COL17A1: variants seen among roughly 807,000 people sequenced by gnomAD.
The protein encoded by COL17A1 is collagen alpha-1(XVII) chain.
A neutral mutation model predicts 218.4 loss-of-function variants in COL17A1; 181 were observed. The ratio of observed to expected loss-of-function variants is 0.83; its 90% confidence interval spans 0.73 to 0.94. The LOEUF is 0.94. COL17A1 is among the 40% of genes least tolerant of loss of function. The pLI, the probability that COL17A1 is intolerant of heterozygous loss-of-function variation, is 0.00. For missense variants in COL17A1, 1,924 were observed against 1,945.9 expected, an observed-to-expected ratio of 0.99 and a Z score of 0.21; for synonymous variants, 721 against 731.0, an observed-to-expected ratio of 0.99 and a Z score of 0.22.
Position 104,032,046 on chromosome 10 carries a change from G to C in COL17A1, c.*189C>G. The C allele has an allele frequency of 1.6e-6, 1 of 627,460 alleles. No individual in the cohort carries two copies. The highest frequency in any genetic ancestry group is 2.9e-6 in the Non-Finnish European group (1 of 349,358). The allele number at this position is 627,460 out of a possible 1,614,324, so 38.9% of individuals were successfully genotyped here. On this transcript the variant is annotated 3_prime_UTR_variant, in exon 56 of 56. Transcript: ENST00000648076. Reference sequence around the variant, plus strand: ...GAGTCCACCCCATGAAGCTGTTTCAGATTGTGTATCTTTGACTGAATTCTA... The same window carrying C: ...GAGTCCACCCCATGAAGCTGTTTCACATTGTGTATCTTTGACTGAATTCTA...
chr10:104,041,581 G>T (rs1457757598), intron 36 of COL17A1, 43 bp from the exon 37 acceptor site: 1 of 1,557,394 alleles, frequency 6.4e-7, no homozygotes, highest in Non-Finnish European at 8.8e-7. Context: ...GCTGTCACGA[G>T]GCTGCTCTCT....
At chr10:104,060,415 T>C in intron 13 of COL17A1, 135 bp from the exon 14 acceptor site, 1 of 1,315,856 alleles carries the variant, frequency 7.6e-7, no homozygotes, top group Admixed American at 2.0e-5. Context: ...GAGGGTCTCT[T>C]GTTCTTGCTG....
At chr10:104,062,429 G>T (rs1264190392) in intron 11 of COL17A1, 100 bp from the exon 12 acceptor site, 1 of 1,528,200 alleles carries the variant, frequency 6.5e-7, no homozygotes, top group East Asian at 2.3e-5. Flanking sequence ...ATGATCAATG[G>T]TTTTGCCAAC....
chr10:104,046,608 G>T, intron 32 of COL17A1, 139 bp downstream of exon 32: 1 of 795,686 alleles, frequency 1.3e-6, no homozygotes, highest in Non-Finnish European at 2.2e-6. Flanking sequence ...TGCTTCTCAC[G>T]ACTCATAGTG....
At chr10:104,040,975 G>A in intron 39 of COL17A1, 90 bp downstream of exon 39, 3 of 1,370,166 alleles carry the variant, frequency 2.2e-6, no homozygotes, top group Non-Finnish European at 3.1e-6. Flanking sequence ...AGCCTGGTGA[G>A]TAGGTTGTGA....
chr10:104,043,192 C>T (rs1035143238), intron 35 of COL17A1, among the ~76,000 whole-genome samples: 1 of 152,180 alleles, frequency 6.6e-6, no homozygotes, highest in Admixed American at 6.5e-5. Context: ...GTAGACTGAT[C>T]TGGGCCAAAT....
chr10:104,051,412 G>C, intron 25 of COL17A1, 69 bp downstream of exon 25: 1 of 1,570,454 alleles, frequency 6.4e-7, no homozygotes, highest in South Asian at 1.1e-5. Context: ...AAAAATATTT[G>C]GTTTTCCTTT....
At chr10:104,040,683 G>A (rs920666331) in intron 39 of COL17A1, among the ~76,000 whole-genome samples, 2 of 152,112 alleles carry the variant, frequency 1.3e-5, no homozygotes, top group African/African-American at 4.8e-5. Context: ...ACTAGGAACA[G>A]GTTCTGGCCT....
At chr10:104,033,472 A>C in intron 52 of COL17A1, 97 bp from the exon 53 acceptor site, 2 of 1,429,866 alleles carry the variant, frequency 1.4e-6, no homozygotes, top group Non-Finnish European at 1.9e-6. Context: ...CTCCCAAAGC[A>C]GTTGAACTAG....
At position 104,034,144 on chromosome 10, in the gene COL17A1, G is replaced by T; in HGVS notation, c.3957C>A (p.Gly1319=). Residue 1319 remains glycine (G), a synonymous_variant, in exon 52 of 56, where the codon GGC becomes GGA. Transcript: ENST00000648076. ...SSMSTGGGGA[G]SLGAGGAFGE... ...CAAAGGCACCGCCTGCACCCAGGGA[G>T]CCTGCACCACCTCCTCCTGTGCTCA... 1 of 1,613,888 alleles carries T rather than the reference G, an allele frequency of 6.2e-7. No individual in the cohort carries two copies. The highest frequency in any genetic ancestry group is 8.5e-7 in the Non-Finnish European group (1 of 1,180,000).
chr10:104,054,942 T>TG (rs778736211), intron 20 of COL17A1, 39 bp downstream of exon 20: 25 of 1,613,860 alleles, frequency 1.5e-5, no homozygotes, highest in Non-Finnish European at 1.9e-5. Flanking sequence ...AATTAACACT[T>TG]GCTAATATTT....
intron 24 of COL17A1, among the ~76,000 whole-genome samples, 176 bp from the exon 25 acceptor site, chr10:104,051,692 T>C (rs1039125864): frequency 6.6e-6 from 1 of 152,200 alleles, no homozygotes; most frequent in Non-Finnish European, 1.5e-5. Context: ...GGGGTGCAGC[T>C]GGGTGGGATC....
intron 1 of COL17A1, among the ~76,000 whole-genome samples, chr10:104,085,057 G>C (rs764266835): frequency 3.3e-5 from 5 of 152,134 alleles, no homozygotes; most frequent in Non-Finnish European, 7.4e-5. Flanking sequence ...GGAAACCCAA[G>C]TTGACTCGTA....
At chr10:104,073,173 T>C in intron 7 of COL17A1, 37 bp downstream of exon 7, 1 of 1,597,370 alleles carries the variant, frequency 6.3e-7, no homozygotes, top group Non-Finnish European at 8.6e-7. Flanking sequence ...AAAATACTTG[T>C]TGAATGAATT....
At chr10:104,036,086 GGGAGTGTGTGTGTA>G in intron 48 of COL17A1, among the ~76,000 whole-genome samples, 1 of 119,132 alleles carries the variant, frequency 8.4e-6, no homozygotes, top group African/African-American at 3.2e-5. Context: ...GAGTGTGTAT[GGGAGTGTGTGTGTA>G]TGGGAGTGTG....
At chr10:104,061,531 G>A in intron 12 of COL17A1, 58 bp from the exon 13 acceptor site, 1 of 1,481,188 alleles carries the variant, frequency 6.8e-7, no homozygotes, top group African/African-American at 1.4e-5. Context: ...CTCAGGAGAA[G>A]CCTGATCAGC....
intron 3 of COL17A1, among the ~76,000 whole-genome samples, chr10:104,077,981 A>G (rs770558243): frequency 6.6e-5 from 10 of 152,196 alleles, no homozygotes; most frequent in Non-Finnish European, 1.3e-4. Flanking sequence ...TCCACCTGGC[A>G]GCCCATCACT....
chr10:104,057,112 C>A lies in COL17A1; in HGVS notation c.1328G>T (p.Gly443Val), dbSNP rs1554849453. The A allele has an allele frequency of 1.1e-5, 17 of 1,602,668 alleles. No individual in the cohort carries two copies. In the Admixed American group the frequency reaches 2.9e-4, roughly 27 times the overall value. ...GGSGGGGGVG[G>V]AGGGPWGPAP... ...TGGTCCCCAAGGGCCGCCGCCAGCG[C>A]CACCAACACCGCCACCTCCTCCACT... Residue 443 changes from glycine to valine, a missense_variant, in exon 17 of 56, where the codon GGC (glycine) becomes GTC (valine). By Grantham distance (109) the Gly-to-Val change is moderately radical (BLOSUM62 -3). Coordinates refer to ENST00000648076, the MANE Select transcript of COL17A1 (RefSeq NM_000494.4).
chr10:104,057,600 C>G (rs1490520265), intron 16 of COL17A1, among the ~76,000 whole-genome samples: 3 of 150,972 alleles, frequency 2.0e-5, no homozygotes, highest in African/African-American at 7.3e-5. Flanking sequence ...GTTCCCATCT[C>G]CATGCCTCAG....
Sources: gnomAD v4.1 joint callset for allele counts (sites outside exome capture counted in the v4.1 genomes callset) on GRCh38, gnomAD v4.1.1 for gene constraint, MANE v1.5 for transcripts, NCBI Gene and HGNC (gene_info 2026-07-23, HGNC 2026-07-21) for gene names.